Variants in TRPM3 observed in about 807,000 individuals in gnomAD.
The protein encoded by TRPM3 is transient receptor potential cation channel subfamily M member 3, also known as long transient receptor potential channel 3.
TRPM3 carries 77 observed loss-of-function variants against 181.2 expected under a neutral mutation model. That is an observed-to-expected ratio of 0.42 (90% CI 0.35 to 0.51). The LOEUF (loss-of-function observed/expected upper bound fraction) is 0.51, where lower values mean the gene tolerates loss of function less well. TRPM3 is among the 20% of genes least tolerant of loss of function. The pLI is 0.01. For missense variants in TRPM3, 1,759 were observed against 2,196.7 expected (o/e 0.80, Z 3.98); for synonymous variants, 745 against 796.4 (o/e 0.94, Z 1.09).
chr9:70,816,106 A>G (rs1290949142), intron 6 of TRPM3, among the ~76,000 whole-genome samples: 2 of 152,236 alleles, frequency 1.3e-5, no homozygotes, highest in Non-Finnish European at 2.9e-5. Flanking sequence ...GCAAACTAGA[A>G]TTATATGAAA....
intron 1 of TRPM3, among the ~76,000 whole-genome samples, chr9:71,237,647 G>A (rs941832137): frequency 3.9e-5 from 6 of 152,134 alleles, no homozygotes; most frequent in African/African-American, 1.4e-4. Context: ...TCTAAAAAGT[G>A]CTTGGCAGAT....
intron 24 of TRPM3, among the ~76,000 whole-genome samples, chr9:70,551,941 G>A (rs1030785030): frequency 6.6e-6 from 1 of 152,232 alleles, no homozygotes; most frequent in African/African-American, 2.4e-5. Context: ...TGCAAGGTCA[G>A]GGAGGGTGTT....
chr9:70,635,462 A>ATTTTT (rs71505401), intron 11 of TRPM3, among the ~76,000 whole-genome samples: 11 of 113,118 alleles, frequency 9.7e-5, no homozygotes, highest in African/African-American at 2.0e-4. Context: ...TTTGTCAGTG[A>ATTTTT]TTTTTTTTTT....
rs528050822 is a variant in TRPM3 at position 71,283,314 on chromosome 9, T to C, written c.183+163339A>G. ...TTCTTTCTTTCTTTTTCTTTCTTTC[T>C]TTTTGGAGACAGAGTTTCGCTCTGT... is the stretch of plus-strand genomic sequence containing the variant. On this transcript the variant is annotated intron_variant, in intron 1 of 24. Coordinates refer to the TRPM3 transcript ENST00000357533. Among the ~76,000 whole-genome samples, 503 of 152,282 alleles carry C rather than the reference T, an allele frequency of 3.3e-3. 1 individual carries two copies. Among genetic ancestry groups the C allele is most frequent in the African/African-American group, 0.011 (472 of 41,542 alleles).
chr9:71,315,165 T>A (rs1192315087), intron 1 of TRPM3, among the ~76,000 whole-genome samples: 2 of 152,134 alleles, frequency 1.3e-5, no homozygotes, highest in Non-Finnish European at 2.9e-5. Flanking sequence ...ACTGAGTCCT[T>A]CTCTTTTCCA....
At chr9:71,107,271 C>T (rs2069870238) in intron 1 of TRPM3, among the ~76,000 whole-genome samples, 1 of 152,166 alleles carries the variant, frequency 6.6e-6, no homozygotes, top group Non-Finnish European at 1.5e-5. Flanking sequence ...TAATCTCTAG[C>T]ATGCGTCCTT....
rs1376559364 is a variant in TRPM3, at chr9:70,881,355, T to C, written c.178-16844A>G. Among the ~76,000 whole-genome samples, 4 of 152,204 alleles carry C rather than the reference T, an allele frequency of 2.6e-5. No individual in the cohort carries two copies. In the East Asian group the frequency reaches 7.7e-4, roughly 29 times the overall value. On this transcript the variant is annotated intron_variant, in intron 1 of 25. Coordinates refer to ENST00000677713, the MANE Select transcript of TRPM3 (RefSeq NM_001366145.2). Reference sequence around the variant, plus strand: ...TTTTCTTCGGATTACAAAAGCACGATATGAATTAATGTGACCGCCCTACCA... The same window carrying C: ...TTTTCTTCGGATTACAAAAGCACGACATGAATTAATGTGACCGCCCTACCA...
chr9:71,000,173 T>A (rs1286053269), intron 1 of TRPM3, among the ~76,000 whole-genome samples: 1 of 152,180 alleles, frequency 6.6e-6, no homozygotes, highest in African/African-American at 2.4e-5. Flanking sequence ...GTAAACAGTT[T>A]GCTTTTCAGT....
chr9:71,169,084 C>G (rs2076707653), intron 1 of TRPM3, among the ~76,000 whole-genome samples: 2 of 152,118 alleles, frequency 1.3e-5, no homozygotes, highest in African/African-American at 4.8e-5. Context: ...CTGTGGTCTA[C>G]TAGGGAGTGG....
chr9:71,337,542 C>G lies in TRPM3; in HGVS notation c.183+109111G>C, dbSNP rs139815979. Among the ~76,000 whole-genome samples the G allele has an allele frequency of 8.3e-3, 1,259 of 152,080 alleles. 22 individuals are homozygous for G. The highest frequency in any genetic ancestry group is 0.028 in the African/African-American group (1,182 of 41,474). ...GTGGCAATTCCTCAAGGATCTAGAA[C>G]CAGAAATACCATTTTACCCAGCAAT... On this transcript the variant is annotated intron_variant, in intron 1 of 24. Transcript: ENST00000357533.
intron 6 of TRPM3, among the ~76,000 whole-genome samples, chr9:70,814,269 G>A (rs1364317075): frequency 1.3e-5 from 2 of 152,100 alleles, no homozygotes; most frequent in Non-Finnish European, 2.9e-5. Flanking sequence ...TGAAACCAGC[G>A]GTATATGAGC....
At position 71,200,973 on chromosome 9, in the gene TRPM3, G is replaced by A. The variant is rs1000333613; in HGVS notation, c.183+245680C>T. Among the ~76,000 whole-genome samples the A allele has an allele frequency of 1.1e-4, 17 of 151,996 alleles. 1 individual carries two copies. The South Asian group carries it at 2.1e-3, about 19-fold the overall frequency. On this transcript the variant is annotated intron_variant, in intron 1 of 24. Transcript: ENST00000357533. ...GATGCAGTTTCTTCCTAGCCTCGATGGTCTTTACAATTTGGCATGATTTTG... is the reference window on the plus strand; with the variant it reads ...GATGCAGTTTCTTCCTAGCCTCGATAGTCTTTACAATTTGGCATGATTTTG...
rs1261015596 is a variant in TRPM3 at position 70,689,522 on chromosome 9, A to AG, written c.1273-7945_1273-7944insC. 1.0e-4 allele frequency among the ~76,000 whole-genome samples: 2 copies of AG among 19,446 alleles called. 1 individual carries two copies. The allele number at this position is 19,446 out of a possible 152,430, so 12.8% of individuals were successfully genotyped here. ...ACAGTAACCATCACTAAATTACTTT[A>AG]AAAAAAAAACAACAAGAGAGATGAA... On this transcript the variant is annotated intron_variant, in intron 8 of 25. Coordinates refer to ENST00000677713, the MANE Select transcript of TRPM3 (RefSeq NM_001366145.2).
chr9:70,578,991 TA>T (rs557108118), intron 22 of TRPM3, among the ~76,000 whole-genome samples: 41 of 152,226 alleles, frequency 2.7e-4, no homozygotes, highest in Non-Finnish European at 5.0e-4. Context: ...GGGTGGTGGT[TA>T]GGGGGTGCAA....
intron 8 of TRPM3, among the ~76,000 whole-genome samples, chr9:70,686,815 T>C (rs1435050139): frequency 1.1e-5 from 1 of 89,510 alleles, no homozygotes; most frequent in African/African-American, 4.3e-5. Flanking sequence ...CTTTCTTTTC[T>C]TTTCTTTTTC....
Position 70,620,165 on chromosome 9 carries a change from C to A in TRPM3, c.2040G>T (p.Val680=). ...HGEEAMAKAL[V]ACKLCKAMAH... ...CCATGGCTTTGCAGAGCTTGCAGGC[C>A]ACCAGGGCCTTGGCCATGGCCTCCT... The change falls in exon 16 of 26, where the codon GTG becomes GTT. Residue 680 remains valine (V), a synonymous_variant. Transcript: ENST00000677713. 1 of 1,614,202 alleles carries A rather than the reference C, an allele frequency of 6.2e-7. No individual in the cohort carries two copies. The highest frequency in any genetic ancestry group is 8.5e-7 in the Non-Finnish European group (1 of 1,180,032).
intron 1 of TRPM3, among the ~76,000 whole-genome samples, chr9:71,186,202 C>T (rs1165029720): frequency 6.6e-6 from 1 of 152,010 alleles, no homozygotes; most frequent in East Asian, 1.9e-4. Context: ...ATGGCCTCAT[C>T]TTACTTAATT....
At chr9:71,173,602 G>A (rs1261675894) in intron 1 of TRPM3, among the ~76,000 whole-genome samples, 3 of 152,186 alleles carry the variant, frequency 2.0e-5, no homozygotes, top group Non-Finnish European at 2.9e-5. Flanking sequence ...GTGTATTGAG[G>A]GAGGTGCATG....
intron 1 of TRPM3, among the ~76,000 whole-genome samples, chr9:71,077,155 AT>A (rs1273097374): frequency 6.6e-6 from 1 of 152,208 alleles, no homozygotes; most frequent in Non-Finnish European, 1.5e-5. Flanking sequence ...AAACAGGAAA[AT>A]ACAGATTCCT....
Sources: gnomAD v4.1 joint callset for allele counts (sites outside exome capture counted in the v4.1 genomes callset) on GRCh38, gnomAD v4.1.1 for gene constraint, MANE v1.5 for transcripts, NCBI Gene and HGNC (gene_info 2026-07-23, HGNC 2026-07-21) for gene names.